FHIP2A: variants seen among roughly 807,000 people sequenced by gnomAD.
FHIP2A encodes the protein FHF complex subunit HOOK interacting protein 2A, also known as family with sequence similarity 160 member B1.
In FHIP2A, 46 loss-of-function variants were observed where a neutral mutation model predicts 93.5. The ratio of observed to expected loss-of-function variants is 0.49; its 90% CI spans 0.39 to 0.63. The LOEUF (loss-of-function observed/expected upper bound fraction) is 0.63. Ranked by LOEUF, FHIP2A falls within the 20% of genes least tolerant of loss-of-function variation. The pLI, the probability that FHIP2A is intolerant of heterozygous loss-of-function variation, is 0.00. For synonymous variants in FHIP2A, 332 were observed against 326.5 expected, an observed-to-expected ratio of 1.02 and a Z score of -0.18; for missense variants, 769 against 909.7, an observed-to-expected ratio of 0.85 and a Z score of 1.99.
At chr10:114,890,914 G>A (rs1160999524) in intron 16 of FHIP2A, among the ~76,000 whole-genome samples, 1 of 150,976 alleles carries the variant, frequency 6.6e-6, no homozygotes, top group Non-Finnish European at 1.5e-5. Context: ...GCATATACAG[G>A]CTGGACATGG....
intron 16 of FHIP2A, among the ~76,000 whole-genome samples, chr10:114,890,836 A>C (rs1184770647): frequency 6.6e-6 from 1 of 150,600 alleles, no homozygotes; most frequent in Non-Finnish European, 1.5e-5. Context: ...ATATTTAATA[A>C]TATTAAATAA....
In FHIP2A at chr10:114,843,053, G is replaced by A. The variant is rs754059917; in HGVS notation, c.643G>A (p.Gly215Ser). 8.7e-6 allele frequency: 14 copies of A among 1,614,014 alleles called. No individual in the cohort carries two copies. The highest frequency in any genetic ancestry group is 1.2e-5 in the Non-Finnish European group (14 of 1,179,946). Reference sequence around the variant, plus strand: ...GTCCCGTCAACCAGAGGAACTATCTGGTGCTACTGGAATGGAGCAAACAGA... The same window carrying A: ...GTCCCGTCAACCAGAGGAACTATCTAGTGCTACTGGAATGGAGCAAACAGA... ...GQSRQPEELS[G>S]ATGMEQTELE... Residue 215 changes from glycine to serine, a missense_variant, in exon 6 of 17, where the codon GGT (glycine) becomes AGT (serine). Physicochemically the swap from Gly to Ser is moderately conservative, Grantham distance 56. Transcript: ENST00000369248.
chr10:114,873,791 T>C (rs982829272), intron 16 of FHIP2A, among the ~76,000 whole-genome samples: 12 of 152,198 alleles, frequency 7.9e-5, no homozygotes, highest in African/African-American at 2.7e-4. Context: ...GTGTTTTGTT[T>C]GTTTCTTTTT....
Position 114,863,744 on chromosome 10 carries a change from G to A in FHIP2A, c.*2204G>A. ...CAGTTTTTCTTACCTTCTGTTGACA[G>A]CTGAATATTTCTGTTACTCAGTACT... On this transcript the variant is annotated 3_prime_UTR_variant, in exon 17 of 17. Coordinates refer to ENST00000369248, the MANE Select transcript of FHIP2A (RefSeq NM_020940.4). The A allele has an allele frequency of 7.8e-7, 1 of 1,286,008 alleles. No homozygotes were observed. The highest frequency in any genetic ancestry group is 1.3e-5 in the South Asian group (1 of 76,526). 79.7% of individuals were successfully genotyped at this position (1,286,008 alleles called of 1,614,324 possible). A position where few individuals can be genotyped will look rare whatever the true frequency, so the allele number is the denominator to read the frequency against.
chr10:114,858,746 A>G (rs1367552212), intron 14 of FHIP2A, among the ~76,000 whole-genome samples: 1 of 152,138 alleles, frequency 6.6e-6, no homozygotes, highest in Admixed American at 6.5e-5. Context: ...GAATGGAGAG[A>G]AGTTGGTTAA....
intron 13 of FHIP2A, among the ~76,000 whole-genome samples, chr10:114,852,623 A>G (rs1220371603): frequency 6.6e-6 from 1 of 151,968 alleles, no homozygotes; most frequent in Non-Finnish European, 1.5e-5. Flanking sequence ...TTACATCTTT[A>G]TTACCTCTGC....
At chr10:114,860,356 C>CT (rs1017849131) in intron 14 of FHIP2A, among the ~76,000 whole-genome samples, 10 of 151,242 alleles carry the variant, frequency 6.6e-5, no homozygotes, top group Admixed American at 1.3e-4. Flanking sequence ...ATTCTGCTTT[C>CT]TTTTTTTTTG....
chr10:114,823,247 A>C lies in FHIP2A; in HGVS notation c.45+1124A>C, dbSNP rs138199410. On this transcript the variant is annotated intron_variant, in intron 1 of 16. Coordinates refer to ENST00000369248, the MANE Select transcript of FHIP2A (RefSeq NM_020940.4). ...ATTGTTATTTAAGTGATACATGAGA[A>C]GCGTTAAAAAATTTAGCTCTAGGGC... Among the ~76,000 whole-genome samples the C allele has an allele frequency of 4.0e-3, 602 of 152,326 alleles. 2 individuals are homozygous for C. The highest frequency in any genetic ancestry group is 0.014 in the African/African-American group (583 of 41,564).
intron 6 of FHIP2A, 73 bp from the exon 7 acceptor site, chr10:114,843,668 T>A (rs909942753): frequency 8.8e-7 from 1 of 1,137,868 alleles, no homozygotes; most frequent in African/African-American, 1.6e-5. Context: ...TAAATCCTTT[T>A]ATGTTGAATG....
rs139657252 is a variant in FHIP2A at position 114,842,947 on chromosome 10, A to G, written c.537A>G (p.Ser179=). ...TTCCTTTTCAGAATAAGATGAAATC[A>G]TTGGCTTCCAAAGGAGTACCAAATG... ...VNFFLENKMK[S]LASKGVPNVI... The change falls in exon 6 of 17, where the codon TCA becomes TCG. Residue 179 remains serine, a synonymous_variant. Transcript: ENST00000369248. The G allele has an allele frequency of 1.3e-6, 2 of 1,597,660 alleles. No homozygotes were observed. Among genetic ancestry groups the G allele is most frequent in the Admixed American group, 3.4e-5 (2 of 59,462 alleles).
At chr10:114,867,983 C>T (rs2083838500), downstream of FHIP2A, among the ~76,000 whole-genome samples, 1 of 150,774 alleles carries the variant, frequency 6.6e-6, no homozygotes, top group Non-Finnish European at 1.5e-5. Context: ...GCTCTGTCAC[C>T]CAGGCTGGAG....
In FHIP2A at chr10:114,833,251, C is replaced by T. The variant is rs1038731736; in HGVS notation, c.143C>T (p.Thr48Ile). The stretch of plus-strand genomic sequence containing the variant: ...TGTTTAGATGATAAAGCCCCAGTGA[C>T]CGATACAAATATTCCATCGCATCTG... ...IETSDDKAPVTDTNIPSHLEQ... is the reference protein window; with the variant it reads ...IETSDDKAPVIDTNIPSHLEQ... The change falls in exon 3 of 17, where the codon ACC becomes ATC. Residue 48 changes from threonine (T) to isoleucine (I), a missense_variant. Coordinates refer to ENST00000369248, the MANE Select transcript of FHIP2A (RefSeq NM_020940.4). The T allele has an allele frequency of 6.2e-7, 1 of 1,609,494 alleles. No homozygotes were observed. The highest frequency in any genetic ancestry group is 1.3e-5 in the African/African-American group (1 of 74,694).
In FHIP2A at chr10:114,845,624, A is replaced by G. The variant is rs539060871; in HGVS notation, c.1128+143A>G. On this transcript the variant is annotated intron_variant, in intron 8 of 16. Coordinates refer to ENST00000369248, the MANE Select transcript of FHIP2A (RefSeq NM_020940.4). The stretch of plus-strand genomic sequence containing the variant: ...GTAAAATAAGTAAACAAAAAAGTGT[A>G]TATGTGTTTGTATGTGTGTATTACA... 9.8e-6 allele frequency: 6 copies of G among 612,502 alleles called. No individual in the cohort carries two copies. The East Asian group carries it at 1.4e-4, about 14-fold the overall frequency. 37.9% of individuals were successfully genotyped at this position (612,502 alleles called of 1,614,324 possible). A position where few individuals can be genotyped will look rare whatever the true frequency, so the allele number is the denominator to read the frequency against.
chr10:114,836,880 C>A (rs1344364637), intron 5 of FHIP2A, among the ~76,000 whole-genome samples: 2 of 151,746 alleles, frequency 1.3e-5, no homozygotes, highest in East Asian at 3.9e-4. Flanking sequence ...TGTTTTTGTC[C>A]TTGTTTGTAA....
At chr10:114,870,008 A>G (rs1433838640) in intron 16 of FHIP2A, among the ~76,000 whole-genome samples, 1 of 152,218 alleles carries the variant, frequency 6.6e-6, no homozygotes, top group African/African-American at 2.4e-5. Context: ...AGGGAAGTGT[A>G]ATTAATTTGA....
intron 16 of FHIP2A, among the ~76,000 whole-genome samples, chr10:114,884,729 A>G (rs1241270184): frequency 6.6e-6 from 1 of 151,928 alleles, no homozygotes; most frequent in Non-Finnish European, 1.5e-5. Context: ...CCTGACCAAC[A>G]TGGTAAAACC....
At chr10:114,826,020 A>G (rs1342313637) in intron 1 of FHIP2A, among the ~76,000 whole-genome samples, 1 of 152,240 alleles carries the variant, frequency 6.6e-6, no homozygotes, top group Non-Finnish European at 1.5e-5. Flanking sequence ...GAGACTAGCA[A>G]TTCCTTAAAA....
intron 16 of FHIP2A, among the ~76,000 whole-genome samples, chr10:114,879,207 G>A (rs1470584664): frequency 1.3e-5 from 2 of 152,138 alleles, no homozygotes; most frequent in Non-Finnish European, 2.9e-5. Context: ...ACAGCACTGG[G>A]CAATCTCCCA....
chr10:114,866,132 C>T (rs60820172), downstream of FHIP2A, among the ~76,000 whole-genome samples: 48,297 of 151,684 alleles, frequency 0.32, 8,285 homozygotes, highest in Non-Finnish European at 0.39. Flanking sequence ...CCTCCCCACC[C>T]CGCCCCCAGC....
Sources: allele counts gnomAD v4.1 joint callset (sites outside exome capture counted in the v4.1 genomes callset), GRCh38; gene constraint gnomAD v4.1.1; transcripts MANE v1.5; gene names NCBI Gene and HGNC (gene_info 2026-07-23, HGNC 2026-07-21).